The following CRPPA variants were observed in gnomAD, a reference collection of about 807,000 sequenced individuals.
The protein encoded by CRPPA is D-ribitol-5-phosphate cytidylyltransferase.
Under a neutral mutation model 52.0 loss-of-function variants are expected in CRPPA, and 43 were observed. That is an observed-to-expected ratio of 0.83 (90% CI 0.65 to 1.07). The LOEUF is 1.07. Among genes scored for constraint, CRPPA ranks in the 50% least tolerant of loss-of-function variants. The probability of loss-of-function intolerance (pLI) is 0.00; values close to 1 mark genes in which losing one functional copy is unlikely to be tolerated. For synonymous variants in CRPPA, 250 were observed against 203.5 expected, an observed-to-expected ratio of 1.23 and a Z score of -1.94; for missense variants, 629 against 551.7, an observed-to-expected ratio of 1.14 and a Z score of -1.40.
At chr7:16,395,336 C>A (rs1787542458) in intron 2 of CRPPA, among the ~76,000 whole-genome samples, 1 of 152,176 alleles carries the variant, frequency 6.6e-6, no homozygotes, top group Admixed American at 6.5e-5. Context: ...ATCCATACAG[C>A]AGGCACTAAC....
chr7:16,274,786 G>T (rs890015956), intron 6 of CRPPA, among the ~76,000 whole-genome samples: 1 of 152,040 alleles, frequency 6.6e-6, no homozygotes, highest in African/African-American at 2.4e-5. Context: ...AAATTTAAGT[G>T]ATCTTTAAAA....
At chr7:16,240,294 G>A (rs1783068918) in intron 8 of CRPPA, among the ~76,000 whole-genome samples, 1 of 151,204 alleles carries the variant, frequency 6.6e-6, no homozygotes, top group Admixed American at 6.6e-5. Flanking sequence ...GGAAATACCT[G>A]AGACTTACTA....
chr7:16,298,614 AT>A (rs1225165097), intron 5 of CRPPA, among the ~76,000 whole-genome samples: 1 of 152,214 alleles, frequency 6.6e-6, no homozygotes, highest in Non-Finnish European at 1.5e-5. Context: ...AACATGGTTA[AT>A]TTTGTGTCAT....
At chr7:16,179,968 G>A (rs1254921121) in intron 9 of CRPPA, among the ~76,000 whole-genome samples, 3 of 152,086 alleles carry the variant, frequency 2.0e-5, no homozygotes, top group African/African-American at 7.2e-5. Flanking sequence ...TCTGTTTTCT[G>A]AGCATCAGCA....
chr7:16,227,015 T>C (rs908196318), intron 8 of CRPPA, among the ~76,000 whole-genome samples: 2 of 151,954 alleles, frequency 1.3e-5, no homozygotes, highest in Non-Finnish European at 2.9e-5. Context: ...GTGCCTGGCT[T>C]ACTTCACTTA....
Position 16,265,833 on chromosome 7 carries a change from C to G in CRPPA, c.934-6821G>C, listed in dbSNP as rs113811692. Among the ~76,000 whole-genome samples, 87 of 152,272 alleles carry G rather than the reference C, an allele frequency of 5.7e-4. 1 individual carries two copies. The highest frequency in any genetic ancestry group is 2.0e-3 in the African/African-American group (83 of 41,556). ...CCTATGCACGGGCAGGTATTATCAT[C>G]ATCCTCATGTTATAGATAATGCAGT... is the stretch of plus-strand genomic sequence containing the variant. On this transcript the variant is annotated intron_variant, in intron 6 of 9. Coordinates refer to ENST00000407010, the MANE Select transcript of CRPPA (RefSeq NM_001101426.4).
At chr7:16,311,944 G>A (rs1286315780) in intron 3 of CRPPA, among the ~76,000 whole-genome samples, 3 of 152,070 alleles carry the variant, frequency 2.0e-5, no homozygotes, top group East Asian at 3.9e-4. Flanking sequence ...ATGTGATTCT[G>A]TTTCTGGGGT....
chr7:16,141,210 T>C (rs374239447), intron 9 of CRPPA, among the ~76,000 whole-genome samples: 65 of 152,302 alleles, frequency 4.3e-4, no homozygotes, highest in African/African-American at 1.4e-3. Context: ...ATCACTGCAA[T>C]TGTATTTGAG....
intron 9 of CRPPA, among the ~76,000 whole-genome samples, chr7:16,189,041 T>C (rs939617858): frequency 6.6e-6 from 1 of 152,208 alleles, no homozygotes; most frequent in African/African-American, 2.4e-5. Context: ...ACATTTAGTA[T>C]GTTCCAACAT....
intron 6 of CRPPA, chr7:16,269,157 T>G (rs1317305222): frequency 6.6e-6 from 1 of 152,138 alleles, no homozygotes; most frequent in Non-Finnish European, 1.5e-5. Context: ...CCACAACTAT[T>G]TATCTGACTC....
At chr7:16,238,123 T>C in intron 8 of CRPPA, among the ~76,000 whole-genome samples, 1 of 152,168 alleles carries the variant, frequency 6.6e-6, no homozygotes. Context: ...TGAATCCTTA[T>C]TTTAGAAAAA....
intron 9 of CRPPA, among the ~76,000 whole-genome samples, chr7:16,140,698 T>C (rs1782853219): frequency 6.6e-6 from 1 of 152,184 alleles, no homozygotes; most frequent in Admixed American, 6.5e-5. Context: ...GGTTTGAATT[T>C]TTTGCAGACA....
chr7:16,306,971 C>A (rs1784926243), intron 4 of CRPPA, among the ~76,000 whole-genome samples: 1 of 152,104 alleles, frequency 6.6e-6, no homozygotes, highest in Admixed American at 6.5e-5. Flanking sequence ...TAGAATTCAA[C>A]ATTTTAAGTA....
At chr7:16,158,041 ATT>A (rs750989831) in intron 9 of CRPPA, among the ~76,000 whole-genome samples, 15 of 136,716 alleles carry the variant, frequency 1.1e-4, no homozygotes, top group Admixed American at 2.2e-4. Flanking sequence ...CGCCCAGCTA[ATT>A]TTTTTTTTTT....
At chr7:16,327,714 A>C (rs1785450423) in intron 3 of CRPPA, among the ~76,000 whole-genome samples, 1 of 152,146 alleles carries the variant, frequency 6.6e-6, no homozygotes, top group Non-Finnish European at 1.5e-5. Flanking sequence ...TCAATTTATT[A>C]AAAATGTTCA....
At chr7:16,182,037 G>C (rs752804359) in intron 9 of CRPPA, among the ~76,000 whole-genome samples, 28 of 151,778 alleles carry the variant, frequency 1.8e-4, no homozygotes, top group Non-Finnish European at 3.4e-4. Flanking sequence ...ATATGTAATT[G>C]CTAGAAAGGT....
In CRPPA at chr7:16,239,559, C is replaced by CAAAA. The variant is rs751232682; in HGVS notation, c.1119+18827_1119+18830dup. 1.3e-3 allele frequency among the ~76,000 whole-genome samples: 61 copies of CAAAA among 47,612 alleles called. 2 individuals are homozygous for CAAAA. Among genetic ancestry groups the CAAAA allele is most frequent in the African/African-American group, 3.0e-3 (40 of 13,282 alleles). The allele number at this position is 47,612 out of a possible 152,430, so 31.2% of individuals were successfully genotyped here. A position where few individuals can be genotyped will look rare whatever the true frequency, so the allele number is the denominator to read the frequency against. On this transcript the variant is annotated intron_variant, in intron 8 of 9. Coordinates refer to ENST00000407010, the MANE Select transcript of CRPPA (RefSeq NM_001101426.4). Reference sequence around the variant, plus strand: ...CCATTATTTAAATAGAAGTCAATAGCAAAAAAAAAAAAAAAAAAAAAAAAA... The same window carrying CAAAA: ...CCATTATTTAAATAGAAGTCAATAGCAAAAAAAAAAAAAAAAAAAAAAAAAAAAA...
intron 3 of CRPPA, among the ~76,000 whole-genome samples, chr7:16,346,836 C>T (rs1443544188): frequency 6.6e-6 from 1 of 151,914 alleles, no homozygotes; most frequent in Non-Finnish European, 1.5e-5. Flanking sequence ...ATAAAAACCT[C>T]ACCAACGTAG....
intron 3 of CRPPA, among the ~76,000 whole-genome samples, chr7:16,339,760 G>A (rs1785775359): frequency 6.6e-6 from 1 of 152,182 alleles, no homozygotes; most frequent in Non-Finnish European, 1.5e-5. Flanking sequence ...TTTCACAGGT[G>A]ACATCACTGT....
Sources: allele counts gnomAD v4.1 joint callset (sites outside exome capture counted in the v4.1 genomes callset), GRCh38; gene constraint gnomAD v4.1.1; transcripts MANE v1.5; gene names NCBI Gene and HGNC (gene_info 2026-07-23, HGNC 2026-07-21).